The following KDM4C variants were observed in gnomAD, a reference collection of about 807,000 sequenced individuals.
The protein encoded by KDM4C is lysine-specific demethylase 4C.
In KDM4C, 81 loss-of-function variants were observed where a neutral mutation model predicts 129.3. The ratio of observed to expected loss-of-function variants is 0.63; its 90% CI spans 0.52 to 0.75. The LOEUF is 0.75. Among genes scored for constraint, KDM4C ranks in the 30% least tolerant of loss-of-function variants. The pLI, the probability that KDM4C is intolerant of heterozygous loss-of-function variation, is 0.00. For synonymous variants in KDM4C, 573 were observed against 456.1 expected (o/e 1.26, Z -3.26); for missense variants, 1,457 against 1,304.0 (o/e 1.12, Z -1.81).
chr9:7,110,670 A>G (rs932179186), intron 18 of KDM4C, among the ~76,000 whole-genome samples: 20 of 152,158 alleles, frequency 1.3e-4, no homozygotes, highest in Admixed American at 3.9e-4. Flanking sequence ...TTTCTTTAAG[A>G]GCAAAGTTTA....
intron 18 of KDM4C, among the ~76,000 whole-genome samples, chr9:7,122,239 C>CCACACA (rs147638679): frequency 0.14 from 20,211 of 143,978 alleles, 1,502 homozygotes; most frequent in Non-Finnish European, 0.18. Flanking sequence ...GTGGGAGATG[C>CCACACA]CACACACACA....
At chr9:6,744,507 A>G (rs1407732988) in intron 1 of KDM4C, among the ~76,000 whole-genome samples, 1 of 152,184 alleles carries the variant, frequency 6.6e-6, no homozygotes, top group Non-Finnish European at 1.5e-5. Context: ...TGTGGCGACA[A>G]AGTGAGACTT....
chr9:6,845,611 T>C (rs1371018773), intron 4 of KDM4C, among the ~76,000 whole-genome samples: 1 of 152,180 alleles, frequency 6.6e-6, no homozygotes. Context: ...CAGTTACACC[T>C]GTGTGCAAAA....
intron 18 of KDM4C, among the ~76,000 whole-genome samples, chr9:7,112,286 C>T (rs1224007936): frequency 6.6e-6 from 1 of 152,030 alleles, no homozygotes; most frequent in Non-Finnish European, 1.5e-5. Flanking sequence ...GTGGATGGTC[C>T]CATGCGAGGT....
intron 8 of KDM4C, among the ~76,000 whole-genome samples, chr9:6,935,698 T>C (rs1824654828): frequency 6.6e-6 from 1 of 152,172 alleles, no homozygotes; most frequent in Non-Finnish European, 1.5e-5. Context: ...ACTTCGTTTT[T>C]ATTAGGAAGT....
rs530868985 is a variant in KDM4C, at chr9:6,915,082, G to A, written c.921+21850G>A. 3.5e-4 allele frequency among the ~76,000 whole-genome samples: 54 copies of A among 152,260 alleles called. 1 individual carries two copies. The South Asian group carries it at 0.011, about 31-fold the overall frequency. ...CTTACTGAAATTAACATGATAAAAC[G>A]TTCTAAATCATAGAATTTTCTGTGG... On this transcript the variant is annotated intron_variant, in intron 8 of 21. Transcript: ENST00000381309.
At chr9:7,117,116 G>A (rs971030045) in intron 18 of KDM4C, among the ~76,000 whole-genome samples, 1 of 152,180 alleles carries the variant, frequency 6.6e-6, no homozygotes, top group Non-Finnish European at 1.5e-5. Context: ...AAAAGTTATA[G>A]AACATTCAGG....
intron 15 of KDM4C, among the ~76,000 whole-genome samples, chr9:7,031,691 T>A (rs1297516645): frequency 6.6e-6 from 1 of 151,684 alleles, no homozygotes; most frequent in Non-Finnish European, 1.5e-5. Context: ...TGTGTGTATG[T>A]GTGTGTGTGT....
intron 8 of KDM4C, among the ~76,000 whole-genome samples, chr9:6,952,966 G>A (rs1383040179): frequency 6.6e-6 from 1 of 152,056 alleles, no homozygotes; most frequent in Non-Finnish European, 1.5e-5. Context: ...TTAAATGACT[G>A]GTACTTGCAT....
intron 8 of KDM4C, among the ~76,000 whole-genome samples, chr9:6,940,791 A>G (rs1274336915): frequency 6.6e-6 from 1 of 152,258 alleles, no homozygotes; most frequent in African/African-American, 2.4e-5. Flanking sequence ...TTATTTCATT[A>G]TCATTTTCAT....
intron 4 of KDM4C, among the ~76,000 whole-genome samples, chr9:6,837,157 A>T (rs1333497002): frequency 2.6e-5 from 4 of 152,144 alleles, no homozygotes; most frequent in African/African-American, 9.7e-5. Flanking sequence ...TCTTGGGCTC[A>T]AGTGATCGTC....
intron 8 of KDM4C, among the ~76,000 whole-genome samples, chr9:6,896,866 T>G (rs1816545213): frequency 6.6e-6 from 1 of 152,186 alleles, no homozygotes; most frequent in South Asian, 2.1e-4. Context: ...GTTGGCTACT[T>G]GACTTCTTCT....
At chr9:7,124,621 T>G (rs975835386) in intron 18 of KDM4C, among the ~76,000 whole-genome samples, 2 of 152,204 alleles carry the variant, frequency 1.3e-5, no homozygotes, top group African/African-American at 4.8e-5. Context: ...ACTGCGTAAT[T>G]ATTTCAGTAT....
rs181195924 is a variant in KDM4C at position 7,061,490 on chromosome 9, G to T, written c.2424+12290G>T. ...GGGAGCTGAGCAGAAGCCTGGTGCT[G>T]GTGGGTTGGGTCGGATAGTTAACTT... is the stretch of plus-strand genomic sequence containing the variant. On this transcript the variant is annotated intron_variant, in intron 17 of 21. Transcript: ENST00000381309. 5.1e-3 allele frequency among the ~76,000 whole-genome samples: 771 copies of T among 152,320 alleles called. 10 individuals carry two copies. The highest frequency in any genetic ancestry group is 0.017 in the African/African-American group (711 of 41,562).
intron 9 of KDM4C, 31 bp from the exon 10 acceptor site, chr9:6,984,135 C>T: frequency 6.9e-7 from 1 of 1,446,882 alleles, no homozygotes; most frequent in Non-Finnish European, 9.7e-7. Context: ...TGCAGACATC[C>T]CGCTCTGACC....
At chr9:7,049,855 C>T (rs1218226728) in intron 17 of KDM4C, among the ~76,000 whole-genome samples, 1 of 151,962 alleles carries the variant, frequency 6.6e-6, no homozygotes, top group Non-Finnish European at 1.5e-5. Context: ...TTAGTTTAGG[C>T]CCTTATATTG....
intron 8 of KDM4C, among the ~76,000 whole-genome samples, chr9:6,956,966 G>C (rs1442042278): frequency 6.6e-6 from 1 of 152,116 alleles, no homozygotes; most frequent in African/African-American, 2.4e-5. Context: ...TGTCTTACTG[G>C]TCAGGCAGTG....
intron 1 of KDM4C, among the ~76,000 whole-genome samples, chr9:6,721,408 C>T (rs554038421): frequency 9.2e-5 from 14 of 151,378 alleles, no homozygotes; most frequent in African/African-American, 3.4e-4. Flanking sequence ...CTTTGCCTCC[C>T]AAGTAGCTGG....
chr9:7,086,699 C>G (rs895073136), intron 17 of KDM4C, among the ~76,000 whole-genome samples: 3 of 152,222 alleles, frequency 2.0e-5, no homozygotes, highest in African/African-American at 7.2e-5. Context: ...TTCCTGAGAT[C>G]ATGGACTATG....
Sources: gnomAD v4.1 joint callset for allele counts (sites outside exome capture counted in the v4.1 genomes callset) on GRCh38, gnomAD v4.1.1 for gene constraint, MANE v1.5 for transcripts, NCBI Gene and HGNC (gene_info 2026-07-23, HGNC 2026-07-21) for gene names.